The following KSR2 variants were observed in gnomAD, a reference collection of about 807,000 sequenced individuals.
KSR2 encodes the protein kinase suppressor of ras 2.
A neutral mutation model predicts 107.8 loss-of-function variants in KSR2; 25 were observed. That is an observed-to-expected ratio of 0.23 (90% CI 0.17 to 0.32). KSR2 has a LOEUF of 0.32. Among genes scored for constraint, KSR2 ranks in the 10% least tolerant of loss-of-function variants. The pLI, the probability that KSR2 is intolerant of heterozygous loss-of-function variation, is 1.00. For missense variants in KSR2, 887 were observed against 1,268.9 expected (o/e 0.70, Z 4.57); for synonymous variants, 480 against 507.0 (o/e 0.95, Z 0.71).
chr12:117,874,952 T>C (rs370332316), intron 1 of KSR2, among the ~76,000 whole-genome samples: 57 of 151,612 alleles, frequency 3.8e-4, no homozygotes, highest in African/African-American at 1.3e-3. Flanking sequence ...GGCCTGGGGT[T>C]AGAGGGATCA....
intron 1 of KSR2, among the ~76,000 whole-genome samples, chr12:117,954,726 G>T (rs1896457107): frequency 6.6e-6 from 1 of 152,162 alleles, no homozygotes; most frequent in Non-Finnish European, 1.5e-5. Flanking sequence ...GAATTATTAA[G>T]AATTTGTGGC....
chr12:117,597,035 C>T (rs542321256), intron 5 of KSR2, among the ~76,000 whole-genome samples: 39 of 152,234 alleles, frequency 2.6e-4, no homozygotes, highest in African/African-American at 9.1e-4. Context: ...GCCAGTGCTG[C>T]CTTCTTTTTC....
chr12:117,642,730 C>T (rs1883436989), intron 5 of KSR2, among the ~76,000 whole-genome samples: 3 of 152,210 alleles, frequency 2.0e-5, no homozygotes, highest in African/African-American at 7.2e-5. Flanking sequence ...GATGACTGAA[C>T]TCAAATAGGA....
intron 5 of KSR2, among the ~76,000 whole-genome samples, chr12:117,642,729 A>G (rs1044301077): frequency 1.3e-5 from 2 of 152,094 alleles, no homozygotes; most frequent in African/African-American, 4.8e-5. Context: ...TGATGACTGA[A>G]CTCAAATAGG....
chr12:117,789,776 T>C (rs1890194014), intron 3 of KSR2, among the ~76,000 whole-genome samples: 1 of 152,208 alleles, frequency 6.6e-6, no homozygotes, highest in African/African-American at 2.4e-5. Flanking sequence ...AAAGCACTAC[T>C]GAGTGTCAGG....
chr12:117,624,106 T>G (rs1443903931), intron 5 of KSR2, among the ~76,000 whole-genome samples: 1 of 152,184 alleles, frequency 6.6e-6, no homozygotes, highest in Non-Finnish European at 1.5e-5. Flanking sequence ...TTTGAGCTCT[T>G]TGTAGATTCT....
At chr12:117,482,098 C>G (rs1872207355) in intron 16 of KSR2, among the ~76,000 whole-genome samples, 1 of 152,028 alleles carries the variant, frequency 6.6e-6, no homozygotes, top group African/African-American at 2.4e-5. Flanking sequence ...TTGGTGGAGC[C>G]CAGTTGCTAC....
intron 14 of KSR2, among the ~76,000 whole-genome samples, chr12:117,524,333 G>A (rs1874963137): frequency 6.6e-6 from 1 of 152,200 alleles, no homozygotes; most frequent in South Asian, 2.1e-4. Flanking sequence ...TCCCCATTTA[G>A]TAGTCTTTGG....
intron 1 of KSR2, among the ~76,000 whole-genome samples, chr12:117,944,806 T>C (rs1896125599): frequency 6.6e-6 from 1 of 151,044 alleles, no homozygotes; most frequent in Non-Finnish European, 1.5e-5. Context: ...TGCAGTGAGG[T>C]ATGATCTCGC....
intron 4 of KSR2, among the ~76,000 whole-genome samples, chr12:117,697,609 A>G (rs550458366): frequency 1.3e-5 from 2 of 152,104 alleles, no homozygotes; most frequent in East Asian, 3.9e-4. Flanking sequence ...GCATGGTGGC[A>G]CATGCCTGTA....
rs544509230 is a variant in KSR2 at position 117,575,543 on chromosome 12, A to G, written c.1325+3576T>C. Among the ~76,000 whole-genome samples the G allele has an allele frequency of 5.3e-5, 8 of 152,194 alleles. No homozygotes were observed. The South Asian group carries it at 1.7e-3, about 32-fold the overall frequency. On this transcript the variant is annotated intron_variant, in intron 7 of 19. Coordinates refer to ENST00000339824, the MANE Select transcript of KSR2 (RefSeq NM_173598.6). Reference sequence around the variant, plus strand: ...CAATCTTTGAAAACACATATAAATAACCCTCTATCCTCACTATAACTAATG... The same window carrying G: ...CAATCTTTGAAAACACATATAAATAGCCCTCTATCCTCACTATAACTAATG...
Position 117,476,537 on chromosome 12 carries a change from T to C in KSR2, c.2509A>G (p.Ile837Val), listed in dbSNP as rs1252410541. ...TCTGTGTCGGGGGACAGCTGGCGGA[T>C]GATCTCTGGTGCCAGGTGGCATAGC... ...GWLCHLAPEI[I>V]RQLSPDTEED... is the part of the protein sequence containing the mutation. Residue 837 changes from isoleucine to valine, a missense_variant, in exon 17 of 20, where the codon ATC becomes GTC. Ile to Val is a conservative substitution (Grantham distance 29). Around this residue, in one of 8 missense-constraint regions of KSR2, gnomAD observed 308 missense variants for 506.2 expected, o/e 0.61. Coordinates refer to ENST00000339824, the MANE Select transcript of KSR2 (RefSeq NM_173598.6). The C allele has an allele frequency of 6.2e-7, 1 of 1,610,638 alleles. No individual in the cohort carries two copies. The highest frequency in any genetic ancestry group is 2.2e-5 in the East Asian group (1 of 44,798).
chr12:117,921,209 C>T (rs1018920731), intron 1 of KSR2, among the ~76,000 whole-genome samples: 3 of 152,166 alleles, frequency 2.0e-5, no homozygotes, highest in Admixed American at 1.3e-4. Context: ...AGCCAATATA[C>T]GTAAAGTCCT....
At chr12:117,497,471 C>T (rs774636332) in intron 14 of KSR2, among the ~76,000 whole-genome samples, 2 of 152,094 alleles carry the variant, frequency 1.3e-5, no homozygotes, top group Non-Finnish European at 2.9e-5. Context: ...TACTCCTTAT[C>T]AAATCCCTCC....
chr12:117,911,193 CACACACTCAA>C (rs1442381558), intron 1 of KSR2, among the ~76,000 whole-genome samples: 3 of 151,946 alleles, frequency 2.0e-5, no homozygotes, highest in African/African-American at 7.3e-5. Flanking sequence ...CACACACACA[CACACACTCAA>C]GAAACAAGAA....
chr12:117,819,312 G>A (rs1891482672), intron 3 of KSR2, among the ~76,000 whole-genome samples: 1 of 152,202 alleles, frequency 6.6e-6, no homozygotes, highest in African/African-American at 2.4e-5. Context: ...GAGTTTAGTT[G>A]CATTCTTTCA....
At chr12:117,888,826 G>A (rs753086421) in intron 1 of KSR2, among the ~76,000 whole-genome samples, 6 of 151,790 alleles carry the variant, frequency 4.0e-5, no homozygotes, top group East Asian at 1.9e-4. Context: ...ATTTTGTTAC[G>A]GCAGCCCAAG....
chr12:117,718,672 T>C (rs1887092112), intron 4 of KSR2, among the ~76,000 whole-genome samples: 1 of 152,176 alleles, frequency 6.6e-6, no homozygotes, highest in Non-Finnish European at 1.5e-5. Flanking sequence ...CCAGGCACCC[T>C]GCCATGAAGA....
At chr12:117,848,789 GTGA>G (rs1002120885) in intron 3 of KSR2, among the ~76,000 whole-genome samples, 1 of 146,052 alleles carries the variant, frequency 6.8e-6, no homozygotes, top group Non-Finnish European at 1.5e-5. Context: ...GTGGTGGGTG[GTGA>G]TGGTGGTAAC....
Sources: gnomAD v4.1 joint callset for allele counts (sites outside exome capture counted in the v4.1 genomes callset) on GRCh38, gnomAD v4.1.1 for gene constraint, gnomAD v4.1.1 regional missense constraint, MANE v1.5 for transcripts, NCBI Gene and HGNC (gene_info 2026-07-23, HGNC 2026-07-21) for gene names.